Variants in DNAI7 observed in about 807,000 individuals in gnomAD.
DNAI7 encodes cancer susceptibility 1.
Under a neutral mutation model 86.6 loss-of-function variants are expected in DNAI7, and 78 were observed. The observed-to-expected ratio is 0.90, with a 90% CI of 0.75 to 1.09. The LOEUF (loss-of-function observed/expected upper bound fraction) is 1.09. Ranked by LOEUF, DNAI7 falls within the 50% of genes least tolerant of loss-of-function variation. The probability of loss-of-function intolerance (pLI) is 0.00; values close to 1 mark genes in which losing one functional copy is unlikely to be tolerated. For synonymous variants in DNAI7, 274 were observed against 273.0 expected (o/e 1.00, Z -0.04); for missense variants, 753 against 810.2 (o/e 0.93, Z 0.86).
chr12:25,120,078 G>T (rs1167490038), intron 11 of DNAI7, among the ~76,000 whole-genome samples: 5 of 152,048 alleles, frequency 3.3e-5, no homozygotes, highest in Admixed American at 6.5e-5. Flanking sequence ...ATCTTTAGAT[G>T]GATTCTTGAA....
At chr12:25,146,044 G>C (rs1374399976) in intron 8 of DNAI7, among the ~76,000 whole-genome samples, 2 of 151,674 alleles carry the variant, frequency 1.3e-5, no homozygotes, top group African/African-American at 4.8e-5. Context: ...CTAACATGGA[G>C]AAACCACGTC....
chr12:25,149,653 C>A lies in DNAI7; in HGVS notation c.560G>T (p.Gly187Val), dbSNP rs748961237. ...QLQELLHLKF[G>V]VATEILLKQA... is the part of the protein sequence containing the mutation. Reference sequence around the variant, plus strand: ...TTTGAGAAGTATTTCTGTGGCTACACCGAATTTAAGATGAAGGAGCTCCTG... The same window carrying A: ...TTTGAGAAGTATTTCTGTGGCTACAACGAATTTAAGATGAAGGAGCTCCTG... The change falls in exon 7 of 16, where the codon GGT becomes GTT. Residue 187 changes from glycine to valine, a missense_variant. Transcript: ENST00000395987. The A allele has an allele frequency of 1.2e-6, 2 of 1,606,930 alleles. No individual in the cohort carries two copies. Among genetic ancestry groups the A allele is most frequent in the Non-Finnish European group, 1.7e-6 (2 of 1,176,872 alleles).
At chr12:25,107,891 C>T, downstream of DNAI7, 1 of 1,614,194 alleles carries the variant, frequency 6.2e-7, no homozygotes, top group Non-Finnish European at 8.5e-7. Context: ...CTCTGGCTCT[C>T]TATTGCATTC....
intron 9 of DNAI7, among the ~76,000 whole-genome samples, chr12:25,141,700 CG>C (rs1326072223): frequency 6.6e-6 from 1 of 152,068 alleles, no homozygotes; most frequent in Non-Finnish European, 1.5e-5. Context: ...CGTGGTGGCA[CG>C]TGCCGGCAAT....
chr12:25,136,148 C>A (rs1943530444), intron 9 of DNAI7, among the ~76,000 whole-genome samples: 1 of 152,194 alleles, frequency 6.6e-6, no homozygotes, highest in African/African-American at 2.4e-5. Context: ...AGAACCCTCA[C>A]AGAGTCCACT....
intron 2 of DNAI7, among the ~76,000 whole-genome samples, chr12:25,187,981 C>G (rs1364040634): frequency 6.6e-6 from 1 of 152,126 alleles, no homozygotes; most frequent in South Asian, 2.1e-4. Context: ...ATTTAAACCA[C>G]AAGCCGGTTC....
chr12:25,165,139 A>T (rs12809205), intron 2 of DNAI7, among the ~76,000 whole-genome samples: 7 of 152,180 alleles, frequency 4.6e-5, no homozygotes, highest in Admixed American at 1.3e-4. Context: ...GCCGTCTTAC[A>T]CTCAATATAC....
rs114381463 is a variant in DNAI7, at chr12:25,160,439, C to G, written c.106+674G>C. 4.2e-3 allele frequency among the ~76,000 whole-genome samples: 644 copies of G among 152,286 alleles called. 4 individuals carry two copies. Among genetic ancestry groups the G allele is most frequent in the African/African-American group, 0.015 (612 of 41,560 alleles). Reference sequence around the variant, plus strand: ...CCTGACTCATTCTGATCACCTACTCCACACTAACTCATTCTGATCACCTGC... The same window carrying G: ...CCTGACTCATTCTGATCACCTACTCGACACTAACTCATTCTGATCACCTGC... On this transcript the variant is annotated intron_variant, in intron 3 of 15. Transcript: ENST00000395987.
chr12:25,145,732 C>T (rs1266606103), intron 8 of DNAI7, among the ~76,000 whole-genome samples: 1 of 151,926 alleles, frequency 6.6e-6, no homozygotes. Flanking sequence ...ACCTAGGCCT[C>T]CTAATTTTTA....
chr12:25,179,183 C>G lies in DNAI7; in HGVS notation c.21+11431G>C, dbSNP rs192568369. ...AAAATTCCAAGCATATTGTACCTTC[C>G]TGTTTGCTACTGAATTATTTTTACC... On this transcript the variant is annotated intron_variant, in intron 2 of 15. Transcript: ENST00000395987. Among the ~76,000 whole-genome samples the G allele has an allele frequency of 1.7e-3, 258 of 152,122 alleles. 2 individuals carry two copies. The highest frequency in any genetic ancestry group is 0.01 in the Middle Eastern group (3 of 294).
intron 2 of DNAI7, among the ~76,000 whole-genome samples, chr12:25,161,627 G>A (rs1053078986): frequency 6.6e-6 from 1 of 152,346 alleles, no homozygotes; most frequent in Admixed American, 6.5e-5. Context: ...AAGCTTGGAA[G>A]AAGGAGAGAT....
rs1182610369 is a variant in DNAI7, at chr12:25,174,705, TAC to T, written c.22-13510_22-13509del. Among the ~76,000 whole-genome samples the T allele has an allele frequency of 5.8e-5, 7 of 120,534 alleles. 1 individual carries two copies. Among genetic ancestry groups the T allele is most frequent in the African/African-American group, 2.2e-4 (7 of 31,924 alleles). The allele number at this position is 120,534 out of a possible 152,430, so 79.1% of individuals were successfully genotyped here. On this transcript the variant is annotated intron_variant, in intron 2 of 15. Transcript: ENST00000395987. Reference sequence around the variant, plus strand: ...ATATATATATGGAATATAGATATCATACATATGGAATATATATATCATATATA... The same window carrying T: ...ATATATATATGGAATATAGATATCATATATGGAATATATATATCATATATA...
chr12:25,121,538 C>T (rs537248233), intron 11 of DNAI7, among the ~76,000 whole-genome samples: 67 of 152,286 alleles, frequency 4.4e-4, no homozygotes, highest in South Asian at 1.9e-3. Flanking sequence ...ATGAAGTTAA[C>T]ATATCTGAAT....
chr12:25,161,497 A>G (rs1415939687), intron 2 of DNAI7, among the ~76,000 whole-genome samples: 1 of 152,246 alleles, frequency 6.6e-6, no homozygotes, highest in Non-Finnish European at 1.5e-5. Flanking sequence ...ATGGTGCTAA[A>G]GAAAACCTCA....
At chr12:25,117,090 C>T (rs1040969679) in intron 12 of DNAI7, among the ~76,000 whole-genome samples, 19 of 152,044 alleles carry the variant, frequency 1.2e-4, no homozygotes, top group African/African-American at 4.1e-4. Context: ...TATGCCACCA[C>T]GCCTGGCTAA....
At chr12:25,136,453 G>A (rs1234285137) in intron 9 of DNAI7, among the ~76,000 whole-genome samples, 2 of 152,120 alleles carry the variant, frequency 1.3e-5, no homozygotes, top group Non-Finnish European at 2.9e-5. Context: ...GTTTACCCAA[G>A]TGAGTAGGAA....
chr12:25,192,240 T>G (rs1041812603), intron 1 of DNAI7, among the ~76,000 whole-genome samples: 1 of 152,232 alleles, frequency 6.6e-6, no homozygotes, highest in African/African-American at 2.4e-5. Flanking sequence ...CAGCTGAATA[T>G]GTAAATAGCA....
At chr12:25,159,535 A>T (rs1197491092) in intron 3 of DNAI7, among the ~76,000 whole-genome samples, 2 of 152,228 alleles carry the variant, frequency 1.3e-5, no homozygotes, top group Non-Finnish European at 1.5e-5. Flanking sequence ...CAAAAGGTTT[A>T]TAGCAATCCA....
intron 11 of DNAI7, among the ~76,000 whole-genome samples, chr12:25,120,317 G>GGAGAGAGAGA (rs369253749): frequency 0.11 from 8,693 of 80,574 alleles, 1,153 homozygotes; most frequent in East Asian, 0.23. Flanking sequence ...GCAGGAAGAG[G>GGAGAGAGAGA]GAGAGAGAGA....
Sources: gnomAD v4.1 joint callset for allele counts (sites outside exome capture counted in the v4.1 genomes callset) on GRCh38, gnomAD v4.1.1 for gene constraint, MANE v1.5 for transcripts, NCBI Gene and HGNC (gene_info 2026-07-23, HGNC 2026-07-21) for gene names.